RBFOX1: variants seen among roughly 807,000 people sequenced by gnomAD.
RBFOX1 encodes the protein RNA binding protein fox-1 homolog 1.
RBFOX1 carries 8 observed loss-of-function variants against 57.7 expected under a neutral mutation model. The ratio of observed to expected loss-of-function variants is 0.14; its 90% confidence interval spans 0.08 to 0.25. The LOEUF (loss-of-function observed/expected upper bound fraction) is 0.25, where lower values mean the gene tolerates loss of function less well. Ranked by LOEUF, RBFOX1 falls within the 10% of genes least tolerant of loss-of-function variation. RBFOX1 has a pLI of 1.00. For missense variants in RBFOX1, 611 were observed against 548.5 expected, an observed-to-expected ratio of 1.11 and a Z score of -1.14; for synonymous variants, 326 against 222.4, an observed-to-expected ratio of 1.47 and a Z score of -4.15.
chr16:5,869,375 C>A (rs556233677), intron 4 of RBFOX1, among the ~76,000 whole-genome samples: 1 of 152,258 alleles, frequency 6.6e-6, no homozygotes, highest in African/African-American at 2.4e-5. Context: ...AGAAAACGAT[C>A]ATGTTGCCCC....
At chr16:6,114,442 GC>G (rs1201200090) in intron 1 of RBFOX1, among the ~76,000 whole-genome samples, 2 of 152,158 alleles carry the variant, frequency 1.3e-5, no homozygotes, top group Non-Finnish European at 2.9e-5. Context: ...TGTGTACGTA[GC>G]TTTTTGGATC....
chr16:6,485,930 T>C (rs867905535), intron 2 of RBFOX1, among the ~76,000 whole-genome samples: 21 of 152,058 alleles, frequency 1.4e-4, no homozygotes, highest in Admixed American at 3.9e-4. Flanking sequence ...ATGGGCCAGG[T>C]AATTGAAGTA....
At chr16:6,283,373 G>A (rs1257909270) in intron 1 of RBFOX1, among the ~76,000 whole-genome samples, 1 of 152,052 alleles carries the variant, frequency 6.6e-6, no homozygotes, top group African/African-American at 2.4e-5. Context: ...CTTAAGCCTA[G>A]CCATTCTTTC....
At chr16:5,549,771 A>G (rs1186567019) in intron 2 of RBFOX1, among the ~76,000 whole-genome samples, 3 of 152,196 alleles carry the variant, frequency 2.0e-5, no homozygotes, top group Non-Finnish European at 2.9e-5. Context: ...CACCCTGGAA[A>G]AGACCTGAAG....
At chr16:5,261,853 C>A (rs1051419594) in intron 1 of RBFOX1, among the ~76,000 whole-genome samples, 1 of 152,124 alleles carries the variant, frequency 6.6e-6, no homozygotes, top group South Asian at 2.1e-4. Context: ...TAAGCCCAGC[C>A]TCATTGTGCT....
intron 1 of RBFOX1, among the ~76,000 whole-genome samples, chr16:6,094,876 A>G (rs369126401): frequency 1.3e-5 from 2 of 152,212 alleles, no homozygotes; most frequent in South Asian, 2.1e-4. Flanking sequence ...CCTGGCCAAC[A>G]TGATGAAACC....
chr16:6,313,070 G>T (rs1208693170), intron 1 of RBFOX1, among the ~76,000 whole-genome samples: 1 of 152,170 alleles, frequency 6.6e-6, no homozygotes, highest in African/African-American at 2.4e-5. Context: ...TTAATTAGGT[G>T]CTAAAAGCAT....
chr16:6,503,333 A>G (rs1031527610), intron 2 of RBFOX1, among the ~76,000 whole-genome samples: 1 of 152,228 alleles, frequency 6.6e-6, no homozygotes. Flanking sequence ...AGGAGATTGT[A>G]GAAGCCTGGG....
chr16:6,304,802 G>C lies in RBFOX1; in HGVS notation c.-126-12193G>C, dbSNP rs565125169. ...CAGGAGGCTGAGGCCGGAGAAGGGA[G>C]GTGGAAATTGCAGTGAGCCCACATC... is the stretch of plus-strand genomic sequence containing the variant. On this transcript the variant is annotated intron_variant, in intron 1 of 15. Coordinates refer to ENST00000550418, the MANE Select transcript of RBFOX1 (RefSeq NM_018723.4). Among the ~76,000 whole-genome samples, 10 of 140,584 alleles carry C rather than the reference G, an allele frequency of 7.1e-5. No individual in the cohort carries two copies. The East Asian group carries it at 1.7e-3, about 24-fold the overall frequency. The allele number at this position is 140,584 out of a possible 152,430, so 92.2% of individuals were successfully genotyped here.
At chr16:7,243,909 T>A (rs2094177014) in intron 4 of RBFOX1, among the ~76,000 whole-genome samples, 1 of 152,114 alleles carries the variant, frequency 6.6e-6, no homozygotes, top group Non-Finnish European at 1.5e-5. Flanking sequence ...ATCAAAACTC[T>A]TAATTTCTAA....
chr16:6,771,539 G>C (rs1279499209), intron 3 of RBFOX1, among the ~76,000 whole-genome samples: 1 of 152,172 alleles, frequency 6.6e-6, no homozygotes, highest in Non-Finnish European at 1.5e-5. Context: ...ACACACTTCT[G>C]CTCAAGTCTA....
intron 3 of RBFOX1, among the ~76,000 whole-genome samples, chr16:5,866,075 C>T (rs1292042169): frequency 1.3e-5 from 2 of 152,202 alleles, no homozygotes; most frequent in African/African-American, 4.8e-5. Context: ...TCAAGGGATT[C>T]TCCTGCCTCA....
At chr16:5,705,003 C>G (rs1007801768) in intron 3 of RBFOX1, among the ~76,000 whole-genome samples, 3 of 150,388 alleles carry the variant, frequency 2.0e-5, no homozygotes, top group African/African-American at 7.3e-5. Context: ...TCTCTTCCAC[C>G]AGGAATCTCT....
chr16:6,214,204 T>A (rs1259593240), intron 1 of RBFOX1, among the ~76,000 whole-genome samples: 1 of 152,242 alleles, frequency 6.6e-6, no homozygotes, highest in Non-Finnish European at 1.5e-5. Context: ...CTCTCTCATG[T>A]TTCCCTTCTT....
intron 2 of RBFOX1, among the ~76,000 whole-genome samples, chr16:6,512,822 T>C (rs1306949959): frequency 1.3e-5 from 2 of 152,194 alleles, no homozygotes; most frequent in African/African-American, 4.8e-5. Flanking sequence ...GCCTAAGCTT[T>C]GCTCTAGGTC....
At chr16:5,954,989 C>T (rs1422209539) in intron 4 of RBFOX1, among the ~76,000 whole-genome samples, 17 of 151,584 alleles carry the variant, frequency 1.1e-4, no homozygotes, top group African/African-American at 3.6e-4. Context: ...CTAAGAAAGT[C>T]AGTCTTTCTA....
At chr16:5,593,327 A>T in intron 2 of RBFOX1, among the ~76,000 whole-genome samples, 1 of 142,712 alleles carries the variant, frequency 7.0e-6, no homozygotes, top group Admixed American at 7.1e-5. Context: ...AACATCACAT[A>T]CCGGGGCCTG....
intron 3 of RBFOX1, among the ~76,000 whole-genome samples, chr16:5,664,532 C>T (rs762485228): frequency 4.0e-5 from 6 of 151,754 alleles, no homozygotes; most frequent in Non-Finnish European, 8.8e-5. Context: ...AGTGACAGAG[C>T]GAGACTCCTT....
At chr16:5,343,685 G>C (rs2065081954) in intron 1 of RBFOX1, among the ~76,000 whole-genome samples, 1 of 152,022 alleles carries the variant, frequency 6.6e-6, no homozygotes. Context: ...ATACAATATG[G>C]GTGCCAGTTC....
Sources: allele counts gnomAD v4.1 joint callset (sites outside exome capture counted in the v4.1 genomes callset), GRCh38; gene constraint gnomAD v4.1.1; transcripts MANE v1.5; gene names NCBI Gene and HGNC (gene_info 2026-07-23, HGNC 2026-07-21).